RSU1: variants seen among roughly 807,000 people sequenced by gnomAD.
The protein encoded by RSU1 is Ras suppressor protein 1.
Under a neutral mutation model 31.1 loss-of-function variants are expected in RSU1, and 26 were observed. The observed-to-expected ratio is 0.84, with a 90% CI of 0.61 to 1.16. The LOEUF (loss-of-function observed/expected upper bound fraction) is 1.16, where lower values mean the gene tolerates loss of function less well. Ranked by LOEUF, RSU1 falls within the 50% of genes most tolerant of loss-of-function variation. The pLI is 0.00. For missense variants in RSU1, 320 were observed against 339.1 expected, an observed-to-expected ratio of 0.94 and a Z score of 0.44; for synonymous variants, 164 against 136.3, an observed-to-expected ratio of 1.20 and a Z score of -1.41.
chr10:16,633,675 G>A (rs559083146), intron 8 of RSU1, among the ~76,000 whole-genome samples: 5 of 152,276 alleles, frequency 3.3e-5, no homozygotes, highest in Admixed American at 1.3e-4. Context: ...CAGGGAGGCC[G>A]TGAAAAGGAC....
chr10:16,768,687 CG>C (rs1275697625), intron 3 of RSU1, among the ~76,000 whole-genome samples: 4 of 152,312 alleles, frequency 2.6e-5, no homozygotes, highest in South Asian at 4.2e-4. Context: ...CTAACACACC[CG>C]GCATGACCTT....
At position 16,748,891 on chromosome 10, in the gene RSU1, C is replaced by A. The variant is rs1003082881; in HGVS notation, c.598+3648G>T. Among the ~76,000 whole-genome samples, 2 of 141,654 alleles carry A rather than the reference C, an allele frequency of 1.4e-5. 1 individual carries two copies. The highest frequency in any genetic ancestry group is 6.1e-5 in the African/African-American group (2 of 32,978). The allele number at this position is 141,654 out of a possible 152,430, so 92.9% of individuals were successfully genotyped here. A position where few individuals can be genotyped will look rare whatever the true frequency, so the allele number is the denominator to read the frequency against. On this transcript the variant is annotated intron_variant, in intron 7 of 8. Coordinates refer to ENST00000345264, the MANE Select transcript of RSU1 (RefSeq NM_012425.4). ...ATTTTTTTCCCAGAGCTCTTAATAC[C>A]ACATATCTGTCATTCATATTCTCTC...
At chr10:16,796,501 G>A (rs1215460053) in intron 2 of RSU1, among the ~76,000 whole-genome samples, 1 of 151,902 alleles carries the variant, frequency 6.6e-6, no homozygotes, top group Non-Finnish European at 1.5e-5. Context: ...CACCCCAAAG[G>A]CCCATTAGAC....
chr10:16,668,461 C>A (rs563856131), intron 8 of RSU1, among the ~76,000 whole-genome samples: 39 of 152,140 alleles, frequency 2.6e-4, no homozygotes, highest in Non-Finnish European at 5.6e-4. Flanking sequence ...TTGGGTTGGT[C>A]ATTTAATCAT....
intron 8 of RSU1, among the ~76,000 whole-genome samples, chr10:16,619,972 C>G (rs577547258): frequency 1.2e-4 from 18 of 152,240 alleles, no homozygotes; most frequent in African/African-American, 3.6e-4. Context: ...CAGGTTTATA[C>G]ATTTATATAA....
intron 7 of RSU1, among the ~76,000 whole-genome samples, chr10:16,748,750 C>T (rs1836911796): frequency 6.6e-6 from 1 of 152,104 alleles, no homozygotes; most frequent in South Asian, 2.1e-4. Context: ...ACTTACCATT[C>T]TCTCTGTCAG....
intron 8 of RSU1, among the ~76,000 whole-genome samples, chr10:16,646,041 CAT>C (rs1195859112): frequency 3.5e-5 from 2 of 56,420 alleles, no homozygotes; most frequent in Non-Finnish European, 6.2e-5. Context: ...TGTGTATATA[CAT>C]ATATGTGTAT....
intron 8 of RSU1, among the ~76,000 whole-genome samples, chr10:16,654,664 A>G (rs1330888371): frequency 2.1e-5 from 3 of 145,410 alleles, no homozygotes; most frequent in East Asian, 2.1e-4. Flanking sequence ...GTGAGACTCC[A>G]TCTCAAAAAC....
intron 8 of RSU1, among the ~76,000 whole-genome samples, chr10:16,640,419 C>T (rs867200481): frequency 6.0e-4 from 91 of 152,158 alleles, no homozygotes; most frequent in Admixed American, 2.3e-3. Flanking sequence ...ACCGGCCTCT[C>T]CACCTCATTC....
intron 7 of RSU1, among the ~76,000 whole-genome samples, chr10:16,729,207 G>A (rs183801127): frequency 6.6e-6 from 1 of 152,196 alleles, no homozygotes; most frequent in Admixed American, 6.5e-5. Context: ...TTTTGTCTTG[G>A]CACAGAAAAT....
chr10:16,606,388 C>G (rs925066634), intron 8 of RSU1, among the ~76,000 whole-genome samples: 1 of 152,046 alleles, frequency 6.6e-6, no homozygotes, highest in African/African-American at 2.4e-5. Context: ...TCTCAGACTC[C>G]TGAGTAGCTG....
chr10:16,715,126 C>A (rs1172095929), intron 7 of RSU1, among the ~76,000 whole-genome samples: 1 of 152,202 alleles, frequency 6.6e-6, no homozygotes, highest in Non-Finnish European at 1.5e-5. Context: ...TTTGCTGCTC[C>A]CCTAGTGCGG....
chr10:16,781,966 A>C, intron 3 of RSU1, 68 bp downstream of exon 3: 1 of 1,325,650 alleles, frequency 7.5e-7, no homozygotes, highest in Non-Finnish European at 1.1e-6. Flanking sequence ...GGAAACAGTA[A>C]CAGACTCAGC....
At chr10:16,815,754 G>C (rs1838515063) in intron 2 of RSU1, among the ~76,000 whole-genome samples, 1 of 152,334 alleles carries the variant, frequency 6.6e-6, no homozygotes, top group African/African-American at 2.4e-5. Context: ...TCACAGAGGA[G>C]GGAAGGGATA....
chr10:16,721,329 G>A (rs1260532753), intron 7 of RSU1: 1 of 152,404 alleles, frequency 6.6e-6, no homozygotes, highest in Non-Finnish European at 1.5e-5. Flanking sequence ...GGGAAGCAGG[G>A]GAGATGAGTC....
intron 6 of RSU1, 43 bp from the exon 7 acceptor site, chr10:16,752,696 A>G (rs780955425): frequency 3.5e-6 from 5 of 1,438,290 alleles, no homozygotes; most frequent in Non-Finnish European, 4.9e-6. Context: ...TACACATTAA[A>G]AGGTGCTCCA....
intron 2 of RSU1, among the ~76,000 whole-genome samples, chr10:16,797,020 A>T (rs778670223): frequency 6.6e-6 from 1 of 152,212 alleles, no homozygotes; most frequent in Non-Finnish European, 1.5e-5. Flanking sequence ...CAGAAAGCCC[A>T]GAAGACCTCT....
intron 8 of RSU1, among the ~76,000 whole-genome samples, chr10:16,675,741 G>A (rs371965161): frequency 1.0e-3 from 154 of 152,306 alleles, no homozygotes; most frequent in Middle Eastern, 6.8e-3. Flanking sequence ...ACATGAACGC[G>A]TGCTCCTTTG....
At position 16,628,471 on chromosome 10, in the gene RSU1, A is replaced by C. The variant is rs190718073; in HGVS notation, c.732-34975T>G. On this transcript the variant is annotated intron_variant, in intron 8 of 8. Transcript: ENST00000345264. Reference sequence around the variant, plus strand: ...GATATAAATCTTAAAAACATCACTGACCACATCATTTAACTTTCTGTGAAA... The same window carrying C: ...GATATAAATCTTAAAAACATCACTGCCCACATCATTTAACTTTCTGTGAAA... 6.2e-4 allele frequency among the ~76,000 whole-genome samples: 93 copies of C among 149,090 alleles called. 1 individual carries two copies. The highest frequency in any genetic ancestry group is 9.3e-4 in the Non-Finnish European group (63 of 67,386).
Sources: allele counts gnomAD v4.1 joint callset (sites outside exome capture counted in the v4.1 genomes callset), GRCh38; gene constraint gnomAD v4.1.1; transcripts MANE v1.5; gene names NCBI Gene and HGNC (gene_info 2026-07-23, HGNC 2026-07-21).